ARHGAP18: variants seen among roughly 807,000 people sequenced by gnomAD.
ARHGAP18 encodes rho GTPase-activating protein 18.
A neutral mutation model predicts 86.2 loss-of-function variants in ARHGAP18; 67 were observed. The observed-to-expected ratio is 0.78, with a 90% CI of 0.64 to 0.95. The LOEUF (loss-of-function observed/expected upper bound fraction) is 0.95, where lower values mean the gene tolerates loss of function less well. Among genes scored for constraint, ARHGAP18 ranks in the 40% least tolerant of loss-of-function variants. The probability of loss-of-function intolerance (pLI) is 0.00; values close to 1 mark genes in which losing one functional copy is unlikely to be tolerated. For missense variants in ARHGAP18, 691 were observed against 780.4 expected, an observed-to-expected ratio of 0.89 and a Z score of 1.37; for synonymous variants, 283 against 280.4, an observed-to-expected ratio of 1.01 and a Z score of -0.09.
At chr6:129,616,083 G>T in intron 7 of ARHGAP18, 129 bp downstream of exon 7, 2 of 670,944 alleles carry the variant, frequency 3.0e-6, no homozygotes, top group Non-Finnish European at 4.5e-6. Flanking sequence ...TTTGCTTCCT[G>T]AATAGAAAAT....
At chr6:129,616,975 A>G (rs1264055593) in intron 6 of ARHGAP18, among the ~76,000 whole-genome samples, 3 of 152,132 alleles carry the variant, frequency 2.0e-5, no homozygotes, top group Non-Finnish European at 4.4e-5. Flanking sequence ...AAAAGCAAAT[A>G]TCATTCATCT....
intron 1 of ARHGAP18, among the ~76,000 whole-genome samples, chr6:129,698,212 G>A (rs1004199076): frequency 1.3e-5 from 2 of 152,052 alleles, no homozygotes; most frequent in Non-Finnish European, 2.9e-5. Flanking sequence ...CTTATCATTT[G>A]TACCTAGCAA....
chr6:129,607,927 A>G lies in ARHGAP18; in HGVS notation c.1248T>C (p.Ser416=). 1 of 1,613,830 alleles carries G rather than the reference A, an allele frequency of 6.2e-7. No individual in the cohort carries two copies. Among genetic ancestry groups the G allele is most frequent in the Non-Finnish European group, 8.5e-7 (1 of 1,179,862 alleles). The change falls in exon 9 of 15, where the codon AGT becomes AGC. Residue 416 remains serine (S), a synonymous_variant. Coordinates refer to ENST00000368149, the MANE Select transcript of ARHGAP18 (RefSeq NM_033515.3). ...FIRELPQPLL[S]VEYLKAFQAV... is the part of the protein sequence containing the mutation. Reference sequence around the variant, plus strand: ...CCTGAAAGGCTTTGAGATACTCCACACTGAGCAGTGGCTGGGGCAACTCCC... The same window carrying G: ...CCTGAAAGGCTTTGAGATACTCCACGCTGAGCAGTGGCTGGGGCAACTCCC...
At chr6:129,604,897 C>A (rs190855859) in intron 10 of ARHGAP18, among the ~76,000 whole-genome samples, 1 of 152,220 alleles carries the variant, frequency 6.6e-6, no homozygotes, top group East Asian at 1.9e-4. Flanking sequence ...AATATTCATT[C>A]CATGGGCATT....
intron 1 of ARHGAP18, among the ~76,000 whole-genome samples, chr6:129,645,595 T>C (rs1773562160): frequency 6.6e-6 from 1 of 152,204 alleles, no homozygotes; most frequent in Admixed American, 6.5e-5. Flanking sequence ...AATCGTGCCA[T>C]GGATATGCTT....
At position 129,706,532 on chromosome 6, in the gene ARHGAP18, T is replaced by C. The variant is rs192590427; in HGVS notation, c.113+3492A>G. Among the ~76,000 whole-genome samples, 89 of 152,230 alleles carry C rather than the reference T, an allele frequency of 5.8e-4. 1 individual carries two copies. The Middle Eastern group carries it at 0.017, about 29-fold the overall frequency. On this transcript the variant is annotated intron_variant, in intron 1 of 14. Coordinates refer to ENST00000368149, the MANE Select transcript of ARHGAP18 (RefSeq NM_033515.3). Reference sequence around the variant, plus strand: ...GAATGGAGAAAATTTAGCTAACAAATTACTTCCAAAAATATTAATTCCCTA... The same window carrying C: ...GAATGGAGAAAATTTAGCTAACAAACTACTTCCAAAAATATTAATTCCCTA...
chr6:129,598,314 G>A (rs1788661986), intron 12 of ARHGAP18, among the ~76,000 whole-genome samples: 1 of 152,186 alleles, frequency 6.6e-6, no homozygotes, highest in African/African-American at 2.4e-5. Context: ...TTTTAAGAGT[G>A]AGAGCTATAA....
At chr6:129,701,330 G>C (rs1216369582) in intron 1 of ARHGAP18, among the ~76,000 whole-genome samples, 1 of 152,160 alleles carries the variant, frequency 6.6e-6, no homozygotes, top group Non-Finnish European at 1.5e-5. Context: ...TCTTAGCAAA[G>C]ATGCCACATC....
chr6:129,614,658 T>C (rs1233629883), intron 7 of ARHGAP18, among the ~76,000 whole-genome samples: 2 of 151,928 alleles, frequency 1.3e-5, no homozygotes, highest in East Asian at 3.9e-4. Context: ...TGTATTTCTG[T>C]GGTGTGATGG....
chr6:129,620,719 T>C (rs914380632), intron 5 of ARHGAP18, among the ~76,000 whole-genome samples: 7 of 152,232 alleles, frequency 4.6e-5, no homozygotes, highest in African/African-American at 2.4e-5. Flanking sequence ...TCATTAACAC[T>C]TCATCGTCTA....
At chr6:129,630,816 G>A (rs1179687365) in intron 4 of ARHGAP18, among the ~76,000 whole-genome samples, 1 of 152,120 alleles carries the variant, frequency 6.6e-6, no homozygotes. Context: ...TAAATAAGAG[G>A]CCCTATATGT....
At chr6:129,616,461 G>A (rs1386018766) in intron 6 of ARHGAP18, among the ~76,000 whole-genome samples, 158 bp from the exon 7 acceptor site, 1 of 152,080 alleles carries the variant, frequency 6.6e-6, no homozygotes, top group Non-Finnish European at 1.5e-5. Context: ...ATATATGGTG[G>A]CCAATAGTAA....
At chr6:129,683,855 T>C (rs1328904929) in intron 1 of ARHGAP18, among the ~76,000 whole-genome samples, 1 of 151,792 alleles carries the variant, frequency 6.6e-6, no homozygotes, top group Non-Finnish European at 1.5e-5. Flanking sequence ...AACGTGGAGG[T>C]GTAACCACGG....
intron 12 of ARHGAP18, among the ~76,000 whole-genome samples, chr6:129,587,956 TC>T (rs1788431489): frequency 6.6e-6 from 1 of 152,160 alleles, no homozygotes; most frequent in South Asian, 2.1e-4. Context: ...GCAAGTCTCT[TC>T]CACCTATGAG....
chr6:129,673,493 T>A (rs563843653), intron 1 of ARHGAP18, among the ~76,000 whole-genome samples: 1 of 152,298 alleles, frequency 6.6e-6, no homozygotes, highest in South Asian at 2.1e-4. Flanking sequence ...GTAAAGGAAA[T>A]CACATTTCTA....
At chr6:129,631,392 C>CAAA (rs71028170) in intron 4 of ARHGAP18, among the ~76,000 whole-genome samples, 109 of 146,428 alleles carry the variant, frequency 7.4e-4, no homozygotes, top group South Asian at 1.7e-3. Context: ...AAAAGCAATG[C>CAAA]AAAAAAAAAA....
In ARHGAP18 at chr6:129,576,514, A is replaced by C. The variant is rs535962790; in HGVS notation, c.*1999T>G. ...TATTTTTTTGTTATTTAAACGTGAT[A>C]TTATTCAACATTGATGAACTTGGGT... On this transcript the variant is annotated 3_prime_UTR_variant, in exon 15 of 15. Transcript: ENST00000368149. The C allele has an allele frequency of 8.5e-5, 13 of 152,212 alleles. No homozygotes were observed. The highest frequency in any genetic ancestry group is 1.9e-4 in the Non-Finnish European group (13 of 68,042). 9.4% of individuals were successfully genotyped at this position (152,212 alleles called of 1,614,324 possible). A position where few individuals can be genotyped will look rare whatever the true frequency, so the allele number is the denominator to read the frequency against.
intron 1 of ARHGAP18, among the ~76,000 whole-genome samples, chr6:129,691,120 C>A (rs1433093789): frequency 6.6e-6 from 1 of 152,108 alleles, no homozygotes; most frequent in Non-Finnish European, 1.5e-5. Context: ...ATTTAGTCCA[C>A]TAATACAAAT....
chr6:129,588,864 T>TA (rs1338891945), intron 12 of ARHGAP18, among the ~76,000 whole-genome samples: 1 of 152,246 alleles, frequency 6.6e-6, no homozygotes, highest in African/African-American at 2.4e-5. Flanking sequence ...TCTGTGTACC[T>TA]ACAGACTAAA....
Sources: allele counts gnomAD v4.1 joint callset (sites outside exome capture counted in the v4.1 genomes callset), GRCh38; gene constraint gnomAD v4.1.1; transcripts MANE v1.5; gene names NCBI Gene and HGNC (gene_info 2026-07-23, HGNC 2026-07-21).